SGCZ: variants seen among roughly 807,000 people sequenced by gnomAD.
SGCZ encodes zeta-sarcoglycan.
In SGCZ, 40 loss-of-function variants were observed where a neutral mutation model predicts 41.3. The ratio of observed to expected loss-of-function variants is 0.97; its 90% CI spans 0.75 to 1.26. The LOEUF (loss-of-function observed/expected upper bound fraction) is 1.26. Among genes scored for constraint, SGCZ ranks in the 50% most tolerant of loss-of-function variants. The probability of loss-of-function intolerance (pLI) is 0.00; values close to 1 mark genes in which losing one functional copy is unlikely to be tolerated. For missense variants in SGCZ, 552 were observed against 369.8 expected (o/e 1.49, Z -4.04); for synonymous variants, 206 against 137.5 (o/e 1.50, Z -3.49).
At chr8:15,160,735 A>G (rs1430210288) in intron 1 of SGCZ, among the ~76,000 whole-genome samples, 1 of 152,204 alleles carries the variant, frequency 6.6e-6, no homozygotes, top group East Asian at 1.9e-4. Context: ...GATCTTCCCC[A>G]TGAATCTGAC....
At chr8:14,592,605 T>A (rs1805275842) in intron 1 of SGCZ, among the ~76,000 whole-genome samples, 1 of 151,372 alleles carries the variant, frequency 6.6e-6, no homozygotes, top group Non-Finnish European at 1.5e-5. Context: ...AAAAAAAAAA[T>A]CTGTAAAACC....
chr8:15,015,636 C>T (rs1296948045), intron 1 of SGCZ, among the ~76,000 whole-genome samples: 1 of 135,788 alleles, frequency 7.4e-6, no homozygotes, highest in East Asian at 2.1e-4. Context: ...TGCAGTGAGC[C>T]GAAATCACGC....
chr8:14,389,317 T>C (rs1804678194), intron 2 of SGCZ, among the ~76,000 whole-genome samples: 1 of 151,820 alleles, frequency 6.6e-6, no homozygotes, highest in Admixed American at 6.6e-5. Context: ...ATCAATAACA[T>C]GTAAGAATTT....
chr8:14,408,857 C>T (rs1010720660), intron 2 of SGCZ, among the ~76,000 whole-genome samples: 16 of 151,980 alleles, frequency 1.1e-4, no homozygotes, highest in Admixed American at 9.2e-4. Context: ...ATGATTGAGA[C>T]CTTCTCTGAA....
intron 3 of SGCZ, among the ~76,000 whole-genome samples, chr8:14,286,584 T>C (rs547054900): frequency 6.6e-6 from 1 of 152,252 alleles, no homozygotes; most frequent in South Asian, 2.1e-4. Context: ...GAATTTCTTT[T>C]TAACTTATCA....
In SGCZ at chr8:14,605,983, C is replaced by CA. The variant is rs1179196061; in HGVS notation, c.40-51058dup. ...TTCTATAAACTCTCTAATAATATGC[C>CA]AAAAACTGATAATCATTCTGTATAC... On this transcript the variant is annotated intron_variant, in intron 1 of 7. Transcript: ENST00000382080. Among the ~76,000 whole-genome samples, 2 of 145,728 alleles carry CA rather than the reference C, an allele frequency of 1.4e-5. 1 individual carries two copies. The highest frequency in any genetic ancestry group is 3.9e-4 in the East Asian group (2 of 5,116).
At chr8:14,627,012 CA>C (rs1442989639) in intron 1 of SGCZ, among the ~76,000 whole-genome samples, 3 of 152,124 alleles carry the variant, frequency 2.0e-5, no homozygotes, top group Non-Finnish European at 2.9e-5. Context: ...AGTTGCCTTC[CA>C]AATAATAGGT....
intron 4 of SGCZ, among the ~76,000 whole-genome samples, chr8:14,181,059 T>G (rs1329841662): frequency 6.6e-6 from 1 of 152,060 alleles, no homozygotes; most frequent in Non-Finnish European, 1.5e-5. Context: ...TGCCCCCTCC[T>G]AGGGAGGGAA....
chr8:14,748,477 C>A lies in SGCZ; in HGVS notation c.40-193551G>T, dbSNP rs188882555. 7.7e-4 allele frequency among the ~76,000 whole-genome samples: 117 copies of A among 152,214 alleles called. 1 individual carries two copies. Among genetic ancestry groups the A allele is most frequent in the East Asian group, 6.4e-3 (33 of 5,176 alleles). The stretch of plus-strand genomic sequence containing the variant: ...GAGCAAGAATTTTGCCCCAGGTATT[C>A]CCCATGCTTATTTACTGTGACACCA... On this transcript the variant is annotated intron_variant, in intron 1 of 7. Transcript: ENST00000382080.
intron 1 of SGCZ, among the ~76,000 whole-genome samples, chr8:14,735,351 A>C (rs1283114536): frequency 2.0e-5 from 3 of 152,200 alleles, no homozygotes; most frequent in African/African-American, 7.2e-5. Flanking sequence ...GGCACCATCC[A>C]ATTGGCCGCC....
intron 1 of SGCZ, among the ~76,000 whole-genome samples, chr8:14,577,122 C>A (rs1563127224): frequency 6.6e-6 from 1 of 152,176 alleles, no homozygotes; most frequent in African/African-American, 2.4e-5. Context: ...CACCTATAAA[C>A]CATATTAAGT....
At chr8:14,523,563 G>A (rs373859269) in intron 2 of SGCZ, among the ~76,000 whole-genome samples, 1 of 151,952 alleles carries the variant, frequency 6.6e-6, no homozygotes, top group Non-Finnish European at 1.5e-5. Flanking sequence ...TACAGATAAG[G>A]TGTTATTTCC....
At chr8:14,529,391 G>A (rs768081091) in intron 2 of SGCZ, among the ~76,000 whole-genome samples, 1 of 152,090 alleles carries the variant, frequency 6.6e-6, no homozygotes, top group African/African-American at 2.4e-5. Context: ...GACTGCCAGG[G>A]GCTGGCATGC....
At chr8:15,172,160 T>TTTTTATTTATCTA (rs754523188) in intron 1 of SGCZ, among the ~76,000 whole-genome samples, 8 of 104,994 alleles carry the variant, frequency 7.6e-5, no homozygotes, top group Non-Finnish European at 9.9e-5. Context: ...CTCTGTTTTT[T>TTTTTATTTATCTA]TTTTTTTTTT....
chr8:15,040,854 A>G (rs1009863825), intron 1 of SGCZ, among the ~76,000 whole-genome samples: 17 of 152,198 alleles, frequency 1.1e-4, no homozygotes, highest in African/African-American at 3.9e-4. Context: ...GTCAGGATGT[A>G]CTGATAAAAC....
rs1438250019 is a variant in SGCZ at position 14,624,555 on chromosome 8, A to ATTATTAT, written c.40-69630_40-69629insATAATAA. 1.0e-3 allele frequency among the ~76,000 whole-genome samples: 101 copies of ATTATTAT among 96,250 alleles called. 3 individuals are homozygous for ATTATTAT. Among genetic ancestry groups the ATTATTAT allele is most frequent in the Non-Finnish European group, 1.3e-3 (67 of 50,582 alleles). The allele number at this position is 96,250 out of a possible 152,430, so 63.1% of individuals were successfully genotyped here. On this transcript the variant is annotated intron_variant, in intron 1 of 7. Transcript: ENST00000382080. ...ATCACTCCCCAATTTTATTATTATT[A>ATTATTAT]TTTTTTTTTTTTTTTTTTTTTTTTT...
intron 2 of SGCZ, among the ~76,000 whole-genome samples, chr8:14,553,408 A>G (rs1433115085): frequency 6.6e-6 from 1 of 152,062 alleles, no homozygotes; most frequent in Non-Finnish European, 1.5e-5. Flanking sequence ...TGTCTAGGCA[A>G]CAGTTATTAT....
chr8:15,126,569 T>C (rs1179524665), intron 1 of SGCZ, among the ~76,000 whole-genome samples: 1 of 152,172 alleles, frequency 6.6e-6, no homozygotes, highest in African/African-American at 2.4e-5. Flanking sequence ...GAAGAACTGA[T>C]GTGAAACGGA....
chr8:14,713,156 A>C lies in SGCZ; in HGVS notation c.40-158230T>G, dbSNP rs1197131822. The stretch of plus-strand genomic sequence containing the variant: ...AACTAATGAAACCTCTAAGTGTACC[A>C]GGTTTAATTGCAAAAGTTGTTCAGA... On this transcript the variant is annotated intron_variant, in intron 1 of 7. Coordinates refer to ENST00000382080, the MANE Select transcript of SGCZ (RefSeq NM_139167.4). Among the ~76,000 whole-genome samples the C allele has an allele frequency of 3.9e-5, 6 of 152,336 alleles. No individual in the cohort carries two copies. In the East Asian group the frequency reaches 1.2e-3, roughly 29 times the overall value.
Sources: allele counts gnomAD v4.1 joint callset (sites outside exome capture counted in the v4.1 genomes callset), GRCh38; gene constraint gnomAD v4.1.1; transcripts MANE v1.5; gene names NCBI Gene and HGNC (gene_info 2026-07-23, HGNC 2026-07-21).